Variants in NFKBID observed in about 807,000 individuals in gnomAD.
NFKBID encodes the protein NF-kappa-B inhibitor delta.
NFKBID carries 26 observed loss-of-function variants against 53.4 expected under a neutral mutation model. That is an observed-to-expected ratio of 0.49 (90% CI 0.36 to 0.68). The LOEUF (loss-of-function observed/expected upper bound fraction) is 0.68. Among genes scored for constraint, NFKBID ranks in the 30% least tolerant of loss-of-function variants. The pLI is 0.00. For synonymous variants in NFKBID, 262 were observed against 259.8 expected, an observed-to-expected ratio of 1.01 and a Z score of -0.08; for missense variants, 493 against 614.1, an observed-to-expected ratio of 0.80 and a Z score of 2.08.
In NFKBID at chr19:35,896,174, C is replaced by T; in HGVS notation, c.883+44G>A. 1 of 1,614,030 alleles carries T rather than the reference C, an allele frequency of 6.2e-7. No homozygotes were observed. Among genetic ancestry groups the T allele is most frequent in the Non-Finnish European group, 8.5e-7 (1 of 1,179,928 alleles). On this transcript the variant is annotated intron_variant, in intron 8 of 11. Coordinates refer to ENST00000641389, the Ensembl canonical transcript of NFKBID. This position sits in a 1 kb window ranked among gnomAD's most constrained non-coding sequence, Gnocchi z 5.7. ...GGGACCCGCATCTGCACCCACCTCG[C>T]CCAGCCACACCAACCACACCAGCCC...
intron 2 of NFKBID, 82 bp from the exon 3 acceptor site, chr19:35,898,614 T>C: frequency 2.1e-6 from 3 of 1,412,928 alleles, no homozygotes; most frequent in Non-Finnish European, 2.9e-6. Context: ...TATAAGACAT[T>C]TCGGTCAGGA....
At chr19:35,895,509 C>CA (rs1330312089) in intron 9 of NFKBID, among the ~76,000 whole-genome samples, 2 of 146,808 alleles carry the variant, frequency 1.4e-5, no homozygotes, top group Middle Eastern at 3.8e-3. Flanking sequence ...AACAAACAAA[C>CA]AAAAAAACCC....
intron 9 of NFKBID, among the ~76,000 whole-genome samples, chr19:35,892,558 A>T (rs963491041): frequency 3.3e-5 from 5 of 151,664 alleles, no homozygotes; most frequent in African/African-American, 1.2e-4. Flanking sequence ...AAAAAAAAAA[A>T]ATTATTTGTC....
At chr19:35,901,942 C>G (rs1013685150), upstream of NFKBID, 2 of 533,572 alleles carry the variant, frequency 3.7e-6, no homozygotes, top group South Asian at 2.2e-5. Flanking sequence ...TCCTCTTCCC[C>G]CATTCAGTGT....
chr19:35,896,301 A>C lies in NFKBID; in HGVS notation c.832-32T>G, dbSNP rs573644416. ...GGAAGAGAAGGCAGACTGCTGGGTA[A>C]GGGTATCCCCTGGCCTCCTGGCCCT... On this transcript the variant is annotated intron_variant, in intron 7 of 11. Coordinates refer to ENST00000641389, the Ensembl canonical transcript of NFKBID. The surrounding 1 kb of genome is among the most constrained non-coding windows in gnomAD (Gnocchi z 5.7). The C allele has an allele frequency of 1.2e-6, 2 of 1,613,994 alleles. No individual in the cohort carries two copies. Among genetic ancestry groups the C allele is most frequent in the Non-Finnish European group, 1.7e-6 (2 of 1,179,970 alleles).
chr19:35,890,558 G>T, intron 9 of NFKBID, 68 bp from the exon 10 acceptor site: 1 of 1,085,526 alleles, frequency 9.2e-7, no homozygotes, highest in South Asian at 1.2e-5. Flanking sequence ...CAGAATCCAG[G>T]AGTCTTTAAA....
exon 1 of NFKBID, chr19:35,900,565 T>C: frequency 1.6e-6 from 2 of 1,230,838 alleles, no homozygotes; most frequent in Non-Finnish European, 1.0e-6. Context: ...TACCCGCGAG[T>C]TTTTAAACTA....
chr19:35,898,514 G>C, exon 3 of NFKBID: 1 of 1,533,444 alleles, frequency 6.5e-7, no homozygotes, highest in Non-Finnish European at 8.7e-7. Flanking sequence ...GGCTGCTCTG[G>C]GGGAGGGAGA....
chr19:35,900,435 C>G lies in NFKBID; in HGVS notation c.61+7G>C. ...GGGGCCGAACGCGTCCTGCCCGCGC[C>G]CATTACCTCGGGGATTCCGTGGCGT... On this transcript the variant is annotated splice_region_variant and intron_variant, in intron 1 of 11. Transcript: ENST00000641389. 3.2e-6 allele frequency: 4 copies of G among 1,231,810 alleles called. No individual in the cohort carries two copies. Among genetic ancestry groups the G allele is most frequent in the Non-Finnish European group, 4.0e-6 (4 of 987,670 alleles). 76.3% of individuals were successfully genotyped at this position (1,231,810 alleles called of 1,614,324 possible). A position where few individuals can be genotyped will look rare whatever the true frequency, so the allele number is the denominator to read the frequency against.
chr19:35,888,430 G>A (rs572122362), exon 12 of NFKBID: 14 of 713,980 alleles, frequency 2.0e-5, no homozygotes, highest in African/African-American at 1.4e-4. Context: ...CCATTCTGGG[G>A]TTTTAATGTA....
exon 3 of NFKBID, chr19:35,898,513 G>C (rs1447251746): frequency 2.0e-6 from 3 of 1,533,206 alleles, no homozygotes; most frequent in Admixed American, 4.0e-5. Context: ...GGGCTGCTCT[G>C]GGGGAGGGAG....
chr19:35,892,095 G>C (rs554830070), intron 9 of NFKBID, among the ~76,000 whole-genome samples: 1 of 151,724 alleles, frequency 6.6e-6, no homozygotes, highest in Admixed American at 6.6e-5. Context: ...CTGTCACCCA[G>C]GCTGGAGTGT....
exon 11 of NFKBID, chr19:35,890,025 C>A: frequency 6.2e-7 from 1 of 1,606,576 alleles, no homozygotes; most frequent in Non-Finnish European, 8.5e-7. Context: ...GCAGGGCAGC[C>A]GCCATGTGGA....
intron 9 of NFKBID, among the ~76,000 whole-genome samples, chr19:35,893,733 T>C (rs1461972443): frequency 1.3e-5 from 2 of 149,708 alleles, no homozygotes; most frequent in Non-Finnish European, 3.0e-5. Context: ...GGCAGGAGAA[T>C]GGTGTGAACC....
At chr19:35,889,746 T>C (rs1288425752) in intron 11 of NFKBID, 144 bp downstream of exon 11, 4 of 806,308 alleles carry the variant, frequency 5.0e-6, no homozygotes, top group Non-Finnish European at 8.0e-6. Flanking sequence ...GGTCACATTA[T>C]AGAGTCAGGG....
chr19:35,897,595 T>C lies in NFKBID; in HGVS notation c.432+56A>G. 3 of 858,244 alleles carry C rather than the reference T, an allele frequency of 3.5e-6. No homozygotes were observed. The South Asian group carries it at 4.2e-5, about 12-fold the overall frequency. The allele number at this position is 858,244 out of a possible 1,614,324, so 53.2% of individuals were successfully genotyped here. ...CAGACATCTCAGAATACTGCAGGAG[T>C]GCAACTGCGAATTTTTAGGGGCCCT... On this transcript the variant is annotated intron_variant, in intron 4 of 11. Coordinates refer to ENST00000641389, the Ensembl canonical transcript of NFKBID.
Position 35,890,817 on chromosome 19 carries a change from C to A in NFKBID, c.1033-327G>T, listed in dbSNP as rs1413931463. 4 of 367,964 alleles carry A rather than the reference C, an allele frequency of 1.1e-5. No individual in the cohort carries two copies. In the Admixed American group the frequency reaches 1.5e-4, roughly 14 times the overall value. The allele number at this position is 367,964 out of a possible 1,614,324, so 22.8% of individuals were successfully genotyped here. A position where few individuals can be genotyped will look rare whatever the true frequency, so the allele number is the denominator to read the frequency against. On this transcript the variant is annotated intron_variant, in intron 9 of 11. Transcript: ENST00000641389. ...AGTTCACGGCTGCAGTGGGCCATGA[C>A]CACACCACTGCACTCCAGCATGGGT... is the stretch of plus-strand genomic sequence containing the variant.
At chr19:35,900,827 C>CTTTCTTTTTTT (rs1975529581), upstream of NFKBID, among the ~76,000 whole-genome samples, 2 of 107,604 alleles carry the variant, frequency 1.9e-5, no homozygotes, top group African/African-American at 7.2e-5. Flanking sequence ...TTTTTCTTTT[C>CTTTCTTTTTTT]TTTTTTTTTT....
intron 9 of NFKBID, among the ~76,000 whole-genome samples, chr19:35,895,140 G>C (rs1479763086): frequency 6.6e-6 from 1 of 152,038 alleles, no homozygotes; most frequent in African/African-American, 2.4e-5. Flanking sequence ...TGAATAGTAA[G>C]TGCTTGATAA....
Sources: allele counts gnomAD v4.1 joint callset (sites outside exome capture counted in the v4.1 genomes callset), GRCh38; gene constraint gnomAD v4.1.1; non-coding constraint Gnocchi (gnomAD v3.1); transcripts MANE v1.5; gene names NCBI Gene and HGNC (gene_info 2026-07-23, HGNC 2026-07-21).